CAST: variants seen among roughly 807,000 people sequenced by gnomAD.
CAST encodes the protein MIR583 host.
Under a neutral mutation model 119.6 loss-of-function variants are expected in CAST, and 76 were observed. The observed-to-expected ratio is 0.64, with a 90% CI of 0.53 to 0.77. CAST has a LOEUF of 0.77. Among genes scored for constraint, CAST ranks in the 30% least tolerant of loss-of-function variants. The pLI is 0.00. For missense variants in CAST, 953 were observed against 946.5 expected (o/e 1.01, Z -0.09); for synonymous variants, 319 against 331.6 (o/e 0.96, Z 0.41).
At chr5:96,159,426 A>G in the CAST span, among the ~76,000 whole-genome samples, 9 of 152,322 alleles carry the variant, frequency 5.9e-5, no homozygotes, top group African/African-American at 1.9e-4. Flanking sequence ...GTGACTTTTT[A>G]TAGGTCAAAC....
At chr5:96,617,790 TAAAAAAAAAAAAAAAAAAAAA>T (rs1162873931) in intron 1 of CAST, among the ~76,000 whole-genome samples, 279 of 22,008 alleles carry the variant, frequency 0.013, 10 homozygotes, top group Admixed American at 0.097. Flanking sequence ...AAATTCCATC[TAAAAAAAAAAAAAAAAAAAAA>T]AAAAAAAAAA....
At chr5:96,189,023 G>T in the CAST span, among the ~76,000 whole-genome samples, 1 of 152,186 alleles carries the variant, frequency 6.6e-6, no homozygotes, top group East Asian at 1.9e-4. Context: ...AAATGTTTCA[G>T]ATTTGTGCTC....
At chr5:96,164,828 T>C in the CAST span, among the ~76,000 whole-genome samples, 2 of 152,154 alleles carry the variant, frequency 1.3e-5, no homozygotes, top group Non-Finnish European at 2.9e-5. Flanking sequence ...CTTTTCTTCT[T>C]TCTCTTTTTA....
the CAST span, among the ~76,000 whole-genome samples, chr5:96,457,633 C>T: frequency 6.6e-6 from 1 of 152,208 alleles, no homozygotes; most frequent in Admixed American, 6.5e-5. Flanking sequence ...AGTCTTCTTC[C>T]CACCTGCACA....
chr5:96,410,854 G>A, the CAST span: 2 of 1,614,090 alleles, frequency 1.2e-6, no homozygotes, highest in East Asian at 4.5e-5. Context: ...CAGGGGGATA[G>A]GCCTTGCTGG....
chr5:96,291,353 A>G, the CAST span, among the ~76,000 whole-genome samples: 2 of 152,248 alleles, frequency 1.3e-5, no homozygotes, highest in African/African-American at 4.8e-5. Context: ...AGGCTTTGTC[A>G]ATAACCCCCT....
the CAST span, among the ~76,000 whole-genome samples, chr5:96,255,057 G>A: frequency 1.0e-3 from 154 of 152,080 alleles, no homozygotes; most frequent in African/African-American, 3.6e-3. Context: ...ATTAAAAAAC[G>A]AAGATAATTT....
chr5:96,730,844 G>A lies in CAST; in HGVS notation c.614G>A (p.Gly205Asp). Residue 205 changes from glycine to aspartate, a missense_variant, in exon 9 of 32, where the codon GGC becomes GAC. Gly to Asp is a moderately conservative substitution (Grantham distance 94). Transcript: ENST00000675179. ...GTTGCTGGTATCACTGCAATATCTG[G>A]CAAGCCGGGTGACAAGGTGAGCACA... The part of the protein sequence containing the change: ...ESVAGITAIS[G>D]KPGDKKKEKK... 6.2e-7 allele frequency: 1 copy of A among 1,613,424 alleles called. No homozygotes were observed. Among genetic ancestry groups the A allele is most frequent in the Non-Finnish European group, 8.5e-7 (1 of 1,179,384 alleles).
the CAST span, among the ~76,000 whole-genome samples, chr5:96,417,171 A>G: frequency 6.6e-6 from 1 of 152,208 alleles, no homozygotes; most frequent in Non-Finnish European, 1.5e-5. Flanking sequence ...AGCATGGAAT[A>G]TAAAATTCCT....
At chr5:96,363,606 A>G in the CAST span, among the ~76,000 whole-genome samples, 81 of 151,992 alleles carry the variant, frequency 5.3e-4, no homozygotes, top group Middle Eastern at 6.8e-3. Flanking sequence ...AATTGTGAAT[A>G]GGAGTTCACT....
the CAST span, among the ~76,000 whole-genome samples, chr5:96,357,808 C>T: frequency 2.6e-5 from 4 of 152,150 alleles, no homozygotes; most frequent in South Asian, 8.3e-4. Context: ...TGTTGTTTCT[C>T]AGCCAGGCTT....
chr5:96,000,584 A>C, the CAST span, among the ~76,000 whole-genome samples: 1 of 152,190 alleles, frequency 6.6e-6, no homozygotes, highest in African/African-American at 2.4e-5. Context: ...CAAGGGAGGT[A>C]TATGTCCATA....
At chr5:95,976,304 C>T in the CAST span, among the ~76,000 whole-genome samples, 6 of 151,762 alleles carry the variant, frequency 4.0e-5, no homozygotes, top group Non-Finnish European at 7.4e-5. Flanking sequence ...AGAGACTGGA[C>T]CCAAAGCAAC....
chr5:96,049,560 C>G, the CAST span, among the ~76,000 whole-genome samples: 58 of 152,216 alleles, frequency 3.8e-4, no homozygotes, highest in Non-Finnish European at 1.8e-4. Context: ...GAGGGAGTTG[C>G]CTTACTTCTC....
At chr5:96,594,694 T>A (rs1477742600) in intron 1 of CAST, among the ~76,000 whole-genome samples, 1 of 152,100 alleles carries the variant, frequency 6.6e-6, no homozygotes. Context: ...CAACAAGAGG[T>A]TTCAAATTTT....
the CAST span, among the ~76,000 whole-genome samples, chr5:96,487,196 C>T: frequency 1.3e-4 from 20 of 152,220 alleles, no homozygotes; most frequent in Non-Finnish European, 2.8e-4. Context: ...ACCTCCCCAC[C>T]CACCACCAGA....
chr5:96,355,187 C>T, the CAST span, among the ~76,000 whole-genome samples: 1 of 151,754 alleles, frequency 6.6e-6, no homozygotes, highest in Non-Finnish European at 1.5e-5. Context: ...CCTAGCCCCC[C>T]ACCCCCTGAC....
chr5:96,415,026 A>G, the CAST span, among the ~76,000 whole-genome samples: 1 of 152,224 alleles, frequency 6.6e-6, no homozygotes, highest in Non-Finnish European at 1.5e-5. Context: ...ATGTTCTACA[A>G]TTGATTCTTT....
the CAST span, among the ~76,000 whole-genome samples, chr5:96,107,133 G>C: frequency 6.6e-6 from 1 of 151,008 alleles, no homozygotes; most frequent in South Asian, 2.1e-4. Context: ...ACGTGAGATG[G>C]GTTTCCTGAA....
Sources: allele counts gnomAD v4.1 joint callset (sites outside exome capture counted in the v4.1 genomes callset), GRCh38; gene constraint gnomAD v4.1.1; transcripts MANE v1.5; gene names NCBI Gene and HGNC (gene_info 2026-07-23, HGNC 2026-07-21).